Variants in RFTN1 observed in about 807,000 individuals in gnomAD.
The protein encoded by RFTN1 is raftlin, lipid raft linker 1.
Under a neutral mutation model 46.5 loss-of-function variants are expected in RFTN1, and 26 were observed. That is an observed-to-expected ratio of 0.56 (90% CI 0.41 to 0.78). The LOEUF (loss-of-function observed/expected upper bound fraction) is 0.78. Among genes scored for constraint, RFTN1 ranks in the 30% least tolerant of loss-of-function variants. RFTN1 has a pLI of 0.00. For synonymous variants in RFTN1, 261 were observed against 284.2 expected (o/e 0.92, Z 0.82); for missense variants, 693 against 718.7 (o/e 0.96, Z 0.41).
chr3:16,416,624 G>A (rs1575257929), intron 3 of RFTN1, among the ~76,000 whole-genome samples: 1 of 152,160 alleles, frequency 6.6e-6, no homozygotes, highest in Admixed American at 6.5e-5. Flanking sequence ...GGCAGGGTAT[G>A]TTGTATCTGC....
intron 8 of RFTN1, 130 bp from the exon 9 acceptor site, chr3:16,323,587 C>G (rs2069331452): frequency 3.2e-6 from 2 of 620,060 alleles, no homozygotes; most frequent in South Asian, 4.2e-5. Flanking sequence ...AGAAGAGACG[C>G]CTGCTCTACT....
Position 16,353,139 on chromosome 3 carries a change from T to G in RFTN1, c.1146+4793A>C, listed in dbSNP as rs1257341311. On this transcript the variant is annotated intron_variant, in intron 7 of 9. Transcript: ENST00000334133. The surrounding 1 kb of genome is among the most constrained non-coding windows in gnomAD (Gnocchi z 5.4). ...TTTGTGGTCGGAGAGCTAGAGATTA[T>G]AGGCCTGCCTGGGAGGACAGTGGTT... Among the ~76,000 whole-genome samples, 1 of 152,154 alleles carries G rather than the reference T, an allele frequency of 6.6e-6. No homozygotes were observed. The highest frequency in any genetic ancestry group is 1.5e-5 in the Non-Finnish European group (1 of 68,030).
At chr3:16,495,332 A>G (rs1027665208) in intron 1 of RFTN1, among the ~76,000 whole-genome samples, 1 of 152,258 alleles carries the variant, frequency 6.6e-6, no homozygotes, top group African/African-American at 2.4e-5. Context: ...GGAAGCTTCT[A>G]AGTGTTGGGA....
In RFTN1 at chr3:16,408,338, T is replaced by C. The variant is rs1365088518; in HGVS notation, c.441+1037A>G. Among the ~76,000 whole-genome samples the C allele has an allele frequency of 4.6e-5, 7 of 152,182 alleles. No homozygotes were observed. The South Asian group carries it at 1.5e-3, about 32-fold the overall frequency. On this transcript the variant is annotated intron_variant, in intron 4 of 9. Coordinates refer to ENST00000334133, the MANE Select transcript of RFTN1 (RefSeq NM_015150.2). ...GTAACACTCACTAGTTCGGCTGTTTTATTCTCTGTATCCCAGCATCTAGTA... is the reference window on the plus strand; with the variant it reads ...GTAACACTCACTAGTTCGGCTGTTTCATTCTCTGTATCCCAGCATCTAGTA...
chr3:16,360,472 G>A (rs1454911015), intron 6 of RFTN1, among the ~76,000 whole-genome samples: 2 of 152,194 alleles, frequency 1.3e-5, no homozygotes, highest in African/African-American at 2.4e-5. Context: ...TTAGCAAGGT[G>A]ACAAATTTTG....
In RFTN1 at chr3:16,424,955, G is replaced by T. The variant is rs2075262325; in HGVS notation, c.332+8896C>A. 6.6e-6 allele frequency among the ~76,000 whole-genome samples: 1 copy of T among 151,874 alleles called. No individual in the cohort carries two copies. Among genetic ancestry groups the T allele is most frequent in the South Asian group, 2.1e-4 (1 of 4,810 alleles). ...TGAAAAACACACAAAAAAAATCTAA[G>T]TTACTTCTGATTGACAAAGAGGAAA... On this transcript the variant is annotated intron_variant, in intron 3 of 9. Transcript: ENST00000334133. This position sits in a 1 kb window ranked among gnomAD's most constrained non-coding sequence, Gnocchi z 4.7.
rs1160939614 is a variant in RFTN1, at chr3:16,345,817, T to TGTGTGTGTGTGTGTGTGTGTGC, written c.1146+12114_1146+12115insGCACACACACACACACACACAC. 4.0e-5 allele frequency among the ~76,000 whole-genome samples: 3 copies of TGTGTGTGTGTGTGTGTGTGTGC among 74,538 alleles called. No homozygotes were observed. The highest frequency in any genetic ancestry group is 1.1e-4 in the African/African-American group (2 of 18,088). The allele number at this position is 74,538 out of a possible 152,430, so 48.9% of individuals were successfully genotyped here. On this transcript the variant is annotated intron_variant, in intron 7 of 9. Coordinates refer to ENST00000334133, the MANE Select transcript of RFTN1 (RefSeq NM_015150.2). The surrounding 1 kb of genome is among the most constrained non-coding windows in gnomAD (Gnocchi z 5.2). The stretch of plus-strand genomic sequence containing the variant: ...GTGTGTGTGTGTGTGTGTGTGTGTG[T>TGTGTGTGTGTGTGTGTGTGTGC]GCGCGCGCGCGTGCGCGCACGCGCA...
rs1354473277 is a variant in RFTN1 at position 16,500,021 on chromosome 3, G to T, written c.-8-6144C>A. Among the ~76,000 whole-genome samples the T allele has an allele frequency of 6.6e-6, 1 of 152,362 alleles. No homozygotes were observed. The highest frequency in any genetic ancestry group is 1.9e-4 in the East Asian group (1 of 5,188). The stretch of plus-strand genomic sequence containing the variant: ...TGTATGGAAAGTGAGATCTCTCAAA[G>T]ATCAGCTAGCCCCTGCTCAACTGAG... On this transcript the variant is annotated intron_variant, in intron 1 of 9. Transcript: ENST00000334133. The surrounding 1 kb of genome is among the most constrained non-coding windows in gnomAD (Gnocchi z 5.9).
intron 7 of RFTN1, among the ~76,000 whole-genome samples, chr3:16,355,991 G>T (rs1051059081): frequency 1.3e-5 from 2 of 152,198 alleles, no homozygotes; most frequent in African/African-American, 2.4e-5. Context: ...TTTGGGTGCA[G>T]CCATGCATCG....
chr3:16,435,917 AATATATATATATAT>A (rs10575645), intron 2 of RFTN1, among the ~76,000 whole-genome samples: 1 of 142,360 alleles, frequency 7.0e-6, no homozygotes, highest in African/African-American at 2.7e-5. Flanking sequence ...CAGAGATGTA[AATATATATATATAT>A]ATATATATAT....
In RFTN1 at chr3:16,381,900, C is replaced by T. The variant is rs1458091598; in HGVS notation, c.442-3798G>A. On this transcript the variant is annotated intron_variant, in intron 4 of 9. Transcript: ENST00000334133. The surrounding 1 kb of genome is among the most constrained non-coding windows in gnomAD (Gnocchi z 4.2). Reference sequence around the variant, plus strand: ...CAGGCCAGCATATCCGACTCTCCCACCACAGTCATAACCTCAAGAGCAGAG... The same window carrying T: ...CAGGCCAGCATATCCGACTCTCCCATCACAGTCATAACCTCAAGAGCAGAG... 2.6e-5 allele frequency among the ~76,000 whole-genome samples: 4 copies of T among 152,186 alleles called. No homozygotes were observed.
At chr3:16,467,401 T>C (rs761625733) in intron 2 of RFTN1, among the ~76,000 whole-genome samples, 3 of 152,176 alleles carry the variant, frequency 2.0e-5, no homozygotes, top group Non-Finnish European at 4.4e-5. Context: ...ACTGCTCCAG[T>C]GCCATCCACA....
In RFTN1 at chr3:16,427,166, GAGA is replaced by G. The variant is rs1350258062; in HGVS notation, c.332+6682_332+6684del. Among the ~76,000 whole-genome samples the G allele has an allele frequency of 6.6e-6, 1 of 152,226 alleles. No individual in the cohort carries two copies. Among genetic ancestry groups the G allele is most frequent in the Non-Finnish European group, 1.5e-5 (1 of 68,048 alleles). Reference sequence around the variant, plus strand: ...CTACTTTGGAAAAGTGAGGCTAAAAGAGAAGTTTTCACATAAAAATCCAGATTT... The same window carrying G: ...CTACTTTGGAAAAGTGAGGCTAAAAGAGTTTTCACATAAAAATCCAGATTT... On this transcript the variant is annotated intron_variant, in intron 3 of 9. Coordinates refer to ENST00000334133, the MANE Select transcript of RFTN1 (RefSeq NM_015150.2). The surrounding 1 kb of genome is among the most constrained non-coding windows in gnomAD (Gnocchi z 5.4).
chr3:16,354,467 G>A (rs188543603), intron 7 of RFTN1, among the ~76,000 whole-genome samples: 1 of 152,374 alleles, frequency 6.6e-6, no homozygotes, highest in East Asian at 1.9e-4. Flanking sequence ...TAAGCCTGAA[G>A]GTACTGAGGA....
chr3:16,409,522 A>G, intron 3 of RFTN1, 39 bp from the exon 4 acceptor site: 1 of 1,386,014 alleles, frequency 7.2e-7, no homozygotes, highest in Non-Finnish European at 1.0e-6. Flanking sequence ...ACAGATTAAT[A>G]TCTTGCATAA....
intron 6 of RFTN1, among the ~76,000 whole-genome samples, chr3:16,366,926 G>A (rs1186500018): frequency 6.6e-6 from 1 of 152,180 alleles, no homozygotes; most frequent in Non-Finnish European, 1.5e-5. Flanking sequence ...ACGACCCAGG[G>A]AGAGGAGTCC....
chr3:16,464,436 T>G (rs188707204), intron 2 of RFTN1, among the ~76,000 whole-genome samples: 2 of 152,358 alleles, frequency 1.3e-5, no homozygotes, highest in African/African-American at 4.8e-5. Context: ...GCTTTCTGTA[T>G]TTTATATAGT....
At position 16,464,051 on chromosome 3, in the gene RFTN1, T is replaced by C. The variant is rs77804253; in HGVS notation, c.145+29674A>G. Among the ~76,000 whole-genome samples the C allele has an allele frequency of 5.3e-3, 805 of 152,132 alleles. 9 individuals are homozygous for C. Among genetic ancestry groups the C allele is most frequent in the African/African-American group, 0.018 (757 of 41,474 alleles). On this transcript the variant is annotated intron_variant, in intron 2 of 9. Coordinates refer to ENST00000334133, the MANE Select transcript of RFTN1 (RefSeq NM_015150.2). Reference sequence around the variant, plus strand: ...TATTGTCTCAGCACCAGAAGATTACTCAACACCCCTTCTGCTTTCCGGAGG... The same window carrying C: ...TATTGTCTCAGCACCAGAAGATTACCCAACACCCCTTCTGCTTTCCGGAGG...
intron 6 of RFTN1, among the ~76,000 whole-genome samples, chr3:16,365,824 T>C (rs2073132796): frequency 7.1e-6 from 1 of 140,324 alleles, no homozygotes; most frequent in East Asian, 2.0e-4. Context: ...GAAACCATCA[T>C]GCAGGCCATT....
Sources: gnomAD v4.1 joint callset for allele counts (sites outside exome capture counted in the v4.1 genomes callset) on GRCh38, gnomAD v4.1.1 for gene constraint, Gnocchi (gnomAD v3.1) non-coding constraint, MANE v1.5 for transcripts, NCBI Gene and HGNC (gene_info 2026-07-23, HGNC 2026-07-21) for gene names.